SRD5A3: variants seen among roughly 807,000 people sequenced by gnomAD.
SRD5A3 encodes the protein polyprenal reductase.
A neutral mutation model predicts 34.3 loss-of-function variants in SRD5A3; 24 were observed. That is an observed-to-expected ratio of 0.70 (90% CI 0.51 to 0.99). The LOEUF (loss-of-function observed/expected upper bound fraction) is 0.99. Among genes scored for constraint, SRD5A3 ranks in the 50% least tolerant of loss-of-function variants. The pLI is 0.00. For missense variants in SRD5A3, 350 were observed against 388.2 expected (o/e 0.90, Z 0.83); for synonymous variants, 161 against 167.3 (o/e 0.96, Z 0.29).
chr4:55,363,715 C>G lies in SRD5A3; in HGVS notation c.365-359C>G, dbSNP rs534164437. Among the ~76,000 whole-genome samples, 5 of 152,276 alleles carry G rather than the reference C, an allele frequency of 3.3e-5. No individual in the cohort carries two copies. In the East Asian group the frequency reaches 9.7e-4, roughly 29 times the overall value. On this transcript the variant is annotated intron_variant, in intron 2 of 4. Transcript: ENST00000264228. ...ATACTGGGGATCCCACAGCTGGGGC[C>G]ACTCAGAGGCTACCAGGAACGCTTC...
rs1719226987 is a variant in SRD5A3 at position 55,352,341 on chromosome 4, C to G, written c.221+5784C>G. On this transcript the variant is annotated intron_variant, in intron 1 of 4. Transcript: ENST00000264228. ...TTTTAATTTATCCTTTTCTGTAAGC[C>G]TCTGATCCCTGAGACTAAGCATTCA... 2.9e-5 allele frequency: 23 copies of G among 792,648 alleles called. No homozygotes were observed. In the East Asian group the frequency reaches 5.6e-4, roughly 19 times the overall value. The allele number at this position is 792,648 out of a possible 1,614,324, so 49.1% of individuals were successfully genotyped here. A position where few individuals can be genotyped will look rare whatever the true frequency, so the allele number is the denominator to read the frequency against.
At chr4:55,369,235 G>T (rs775552557) in intron 4 of SRD5A3, among the ~76,000 whole-genome samples, 7 of 152,174 alleles carry the variant, frequency 4.6e-5, no homozygotes, top group Non-Finnish European at 8.8e-5. Context: ...GGAGAGCCAG[G>T]ATTTAAACTT....
At chr4:55,369,512 T>C (rs562348967) in intron 4 of SRD5A3, 2 of 356,216 alleles carry the variant, frequency 5.6e-6, no homozygotes, top group Non-Finnish European at 1.0e-5. Flanking sequence ...GGAGGATCAC[T>C]TGAGCCCAGC....
chr4:55,368,761 C>T (rs1211327586), intron 4 of SRD5A3, among the ~76,000 whole-genome samples: 2 of 146,306 alleles, frequency 1.4e-5, no homozygotes, highest in Admixed American at 6.8e-5. Context: ...ATTTTTGAGA[C>T]AGAGTCTCAC....
At chr4:55,352,229 A>G in intron 1 of SRD5A3, 1 of 939,910 alleles carries the variant, frequency 1.1e-6, no homozygotes, top group South Asian at 1.3e-5. Flanking sequence ...CCAGCTGTGT[A>G]TTATATTGGA....
intron 2 of SRD5A3, among the ~76,000 whole-genome samples, chr4:55,362,164 G>A (rs904160196): frequency 2.0e-5 from 3 of 149,166 alleles, no homozygotes; most frequent in Non-Finnish European, 4.4e-5. Flanking sequence ...GCCTTGCTCT[G>A]TTGCCCAGGC....
intron 1 of SRD5A3, among the ~76,000 whole-genome samples, chr4:55,353,541 C>G (rs979178334): frequency 6.6e-6 from 1 of 152,204 alleles, no homozygotes; most frequent in African/African-American, 2.4e-5. Flanking sequence ...CTGGGGGTCC[C>G]CTTCTACCCT....
At chr4:55,363,128 T>G (rs1719747056) in intron 2 of SRD5A3, among the ~76,000 whole-genome samples, 1 of 151,444 alleles carries the variant, frequency 6.6e-6, no homozygotes, top group Non-Finnish European at 1.5e-5. Flanking sequence ...ATTACAGGCA[T>G]GAGCCATCGC....
chr4:55,369,058 A>G (rs1261335421), intron 4 of SRD5A3, among the ~76,000 whole-genome samples: 2 of 152,190 alleles, frequency 1.3e-5, no homozygotes, highest in Non-Finnish European at 2.9e-5. Context: ...AATAGTTTTA[A>G]TATTTATCAA....
intron 1 of SRD5A3, among the ~76,000 whole-genome samples, chr4:55,348,140 C>G (rs1298276464): frequency 6.6e-6 from 1 of 152,176 alleles, no homozygotes; most frequent in Non-Finnish European, 1.5e-5. Flanking sequence ...ACAGTTGGTT[C>G]TGTTTGGACT....
chr4:55,357,716 T>TTTGTTAA (rs373577017), intron 1 of SRD5A3, among the ~76,000 whole-genome samples: 1 of 152,232 alleles, frequency 6.6e-6, no homozygotes, highest in African/African-American at 2.4e-5. Flanking sequence ...TATTTATTTA[T>TTTGTTAA]TTGTTAAGAC....
At chr4:55,348,050 C>T (rs1175277222) in intron 1 of SRD5A3, among the ~76,000 whole-genome samples, 5 of 152,124 alleles carry the variant, frequency 3.3e-5, no homozygotes. Flanking sequence ...TTGCATACAC[C>T]CCAGCTGTTG....
rs886059475 is a variant in SRD5A3 at position 55,371,658 on chromosome 4, T to A, written c.*1567T>A. 1 of 152,190 alleles carries A rather than the reference T, an allele frequency of 6.6e-6. No individual in the cohort carries two copies. Among genetic ancestry groups the A allele is most frequent in the Non-Finnish European group, 1.5e-5 (1 of 68,054 alleles). 9.4% of individuals were successfully genotyped at this position (152,190 alleles called of 1,614,324 possible). On this transcript the variant is annotated 3_prime_UTR_variant, in exon 5 of 5. Coordinates refer to ENST00000264228, the MANE Select transcript of SRD5A3 (RefSeq NM_024592.5). Reference sequence around the variant, plus strand: ...CTGTTAAACTAAGATTCCTTTGTTTTTTTTGTTTTTTTGAGATGGAGTCTC... The same window carrying A: ...CTGTTAAACTAAGATTCCTTTGTTTATTTTGTTTTTTTGAGATGGAGTCTC...
chr4:55,367,572 A>G lies in SRD5A3; in HGVS notation c.563-16A>G. Reference sequence around the variant, plus strand: ...TGAAATTGTTTAGTGTTGGCTAACAATTCTCATTCCTATAGCCTACATAAC... The same window carrying G: ...TGAAATTGTTTAGTGTTGGCTAACAGTTCTCATTCCTATAGCCTACATAAC... On this transcript the variant is annotated splice_polypyrimidine_tract_variant and intron_variant, in intron 3 of 4. Transcript: ENST00000264228. 1 of 1,613,728 alleles carries G rather than the reference A, an allele frequency of 6.2e-7. No homozygotes were observed. The highest frequency in any genetic ancestry group is 8.5e-7 in the Non-Finnish European group (1 of 1,179,990).
At chr4:55,362,311 A>G (rs1393713335) in intron 2 of SRD5A3, among the ~76,000 whole-genome samples, 1 of 151,886 alleles carries the variant, frequency 6.6e-6, no homozygotes, top group Non-Finnish European at 1.5e-5. Flanking sequence ...TATTTTTAGT[A>G]GAGACAGGGT....
chr4:55,354,139 C>T (rs1719330867), intron 1 of SRD5A3, among the ~76,000 whole-genome samples: 1 of 152,124 alleles, frequency 6.6e-6, no homozygotes, highest in African/African-American at 2.4e-5. Flanking sequence ...CTCTGTTGCC[C>T]AGGCTGGAGT....
chr4:55,346,348 GGC>G lies in SRD5A3; in HGVS notation c.14_15del (p.Ala5GlyfsTer65). 6.6e-7 allele frequency: 1 copy of G among 1,512,542 alleles called. No individual in the cohort carries two copies. Among genetic ancestry groups the G allele is most frequent in the Admixed American group, 2.2e-5 (1 of 46,092 alleles). The allele number at this position is 1,512,542 out of a possible 1,614,324, so 93.7% of individuals were successfully genotyped here. A position where few individuals can be genotyped will look rare whatever the true frequency, so the allele number is the denominator to read the frequency against. The part of the protein sequence containing the change: MAPW[A>X]EAEHSALNPL... Reference sequence around the variant, plus strand: ...CGGGCACGCGGGCCATGGCTCCCTGGGCGGAGGCCGAGCACTCGGCGCTGAAC... The same window carrying G: ...CGGGCACGCGGGCCATGGCTCCCTGGGGAGGCCGAGCACTCGGCGCTGAAC... On this transcript the variant is annotated frameshift_variant, in exon 1 of 5. Coordinates refer to ENST00000264228, the MANE Select transcript of SRD5A3 (RefSeq NM_024592.5). LOFTEE classifies it high-confidence loss of function.
At chr4:55,359,605 G>A in intron 2 of SRD5A3, 117 bp downstream of exon 2, 4 of 1,386,120 alleles carry the variant, frequency 2.9e-6, no homozygotes, top group Non-Finnish European at 4.0e-6. Flanking sequence ...AAGGGCCTGG[G>A]AAGTGGAGGA....
At chr4:55,365,025 G>A (rs1256254033) in intron 3 of SRD5A3, among the ~76,000 whole-genome samples, 7 of 152,152 alleles carry the variant, frequency 4.6e-5, no homozygotes, top group East Asian at 1.9e-4. Flanking sequence ...TAACACATAT[G>A]ACTACCATTT....
Sources: allele counts gnomAD v4.1 joint callset (sites outside exome capture counted in the v4.1 genomes callset), GRCh38; gene constraint gnomAD v4.1.1; transcripts MANE v1.5; gene names NCBI Gene and HGNC (gene_info 2026-07-23, HGNC 2026-07-21).